The following CLCF1 variants were observed in gnomAD, a reference collection of about 807,000 sequenced individuals.
CLCF1 encodes cardiotrophin-like cytokine factor 1.
A neutral mutation model predicts 21.2 loss-of-function variants in CLCF1; 10 were observed. The observed-to-expected ratio is 0.47, with a 90% confidence interval of 0.29 to 0.80. The LOEUF is 0.80. Among genes scored for constraint, CLCF1 ranks in the 30% least tolerant of loss-of-function variants. The pLI is 0.09. For synonymous variants in CLCF1, 115 were observed against 120.5 expected, an observed-to-expected ratio of 0.95 and a Z score of 0.30; for missense variants, 240 against 293.4, an observed-to-expected ratio of 0.82 and a Z score of 1.33.
At chr11:67,371,044 G>A in intron 1 of CLCF1, 1 of 985,406 alleles carries the variant, frequency 1.0e-6, no homozygotes, top group Non-Finnish European at 1.2e-6. Flanking sequence ...GATGGAGTGG[G>A]TTAGGCGGGC....
At chr11:67,369,676 G>T in intron 1 of CLCF1, 11 of 985,498 alleles carry the variant, frequency 1.1e-5, no homozygotes, top group Non-Finnish European at 1.3e-5. Context: ...TTCACTCAAA[G>T]TTAGTGGCGA....
At chr11:67,368,912 CTTT>C (rs10666079) in intron 1 of CLCF1, 2,342 of 680,994 alleles carry the variant, frequency 3.4e-3, no homozygotes, top group Middle Eastern at 4.0e-3. Flanking sequence ...TTTTTTTTTC[CTTT>C]TTTTTTTTTT....
At chr11:67,370,411 C>A in intron 1 of CLCF1, 2 of 984,726 alleles carry the variant, frequency 2.0e-6, no homozygotes, top group Non-Finnish European at 2.4e-6. Flanking sequence ...GGCCCCCAGC[C>A]CGGCCCCCGC....
chr11:67,369,975 A>G (rs1366962132), intron 1 of CLCF1: 2 of 985,234 alleles, frequency 2.0e-6, no homozygotes, highest in Non-Finnish European at 2.4e-6. Flanking sequence ...GTTTCCAGGA[A>G]TATTTCAGTT....
intron 1 of CLCF1, chr11:67,368,765 G>T (rs1862168458): frequency 1.0e-6 from 1 of 985,198 alleles, no homozygotes; most frequent in South Asian, 4.7e-5. Flanking sequence ...GCAGGCAGAG[G>T]GTGAGTTGGA....
Position 67,370,019 on chromosome 11 carries a change from G to C in CLCF1, c.17-2393C>G, listed in dbSNP as rs951695311. ...ACTGTGTCGTTGCAGGCTGCGGGTG[G>C]GGGGCAGGGGAGAACAGAAGGATCC... is the stretch of plus-strand genomic sequence containing the variant. On this transcript the variant is annotated intron_variant, in intron 1 of 2. Coordinates refer to ENST00000312438, the MANE Select transcript of CLCF1 (RefSeq NM_013246.3). 8 of 985,296 alleles carry C rather than the reference G, an allele frequency of 8.1e-6. No homozygotes were observed. In the African/African-American group the frequency reaches 1.4e-4, roughly 17 times the overall value. The allele number at this position is 985,296 out of a possible 1,614,324, so 61.0% of individuals were successfully genotyped here.
At chr11:67,373,423 G>T in intron 1 of CLCF1, 101 bp downstream of exon 1, 2 of 614,090 alleles carry the variant, frequency 3.3e-6, no homozygotes, top group Non-Finnish European at 2.6e-6. Context: ...TCCCTGGCCC[G>T]GCCCCGGCGC....
At chr11:67,370,101 G>A (rs1862196243) in intron 1 of CLCF1, 1 of 985,362 alleles carries the variant, frequency 1.0e-6, no homozygotes, top group Non-Finnish European at 1.2e-6. Context: ...AGGGAGAAGA[G>A]GTTAGGAGAA....
rs1352030760 is a variant in CLCF1, at chr11:67,364,912, A to C, written c.*224T>G. On this transcript the variant is annotated 3_prime_UTR_variant, in exon 3 of 3. Transcript: ENST00000312438. ...CTCCCTCGAGCATGACTTCCTGTAG[A>C]AACAGGACAGGACAGGGCCTACTGT... The C allele has an allele frequency of 6.1e-6, 4 of 655,888 alleles. No individual in the cohort carries two copies. The highest frequency in any genetic ancestry group is 1.0e-5 in the Non-Finnish European group (4 of 395,990). 40.6% of individuals were successfully genotyped at this position (655,888 alleles called of 1,614,324 possible).
chr11:67,373,626 A>T, upstream of CLCF1: 1 of 1,277,338 alleles, frequency 7.8e-7, no homozygotes, highest in Non-Finnish European at 9.9e-7. Flanking sequence ...GCGAAGCTTT[A>T]ATAATCCCAT....
chr11:67,367,853 T>A, intron 1 of CLCF1: 1 of 985,432 alleles, frequency 1.0e-6, no homozygotes, highest in Non-Finnish European at 1.2e-6. Context: ...CATGAGTGTC[T>A]ATCAGTAGAT....
chr11:67,365,715 A>G lies in CLCF1; in HGVS notation c.184-85T>C, dbSNP rs1298175914. ...GGAGATACCTGCTCCCAAAGTTTCT[A>G]TTTTTTGTGTCCCCTGACACTGGCC... On this transcript the variant is annotated intron_variant, in intron 2 of 2. Coordinates refer to ENST00000312438, the MANE Select transcript of CLCF1 (RefSeq NM_013246.3). The surrounding 1 kb of genome is among the most constrained non-coding windows in gnomAD (Gnocchi z 5.0). The G allele has an allele frequency of 7.9e-6, 12 of 1,510,622 alleles. No individual in the cohort carries two copies. Among genetic ancestry groups the G allele is most frequent in the South Asian group, 4.1e-5 (3 of 73,922 alleles). The allele number at this position is 1,510,622 out of a possible 1,614,324, so 93.6% of individuals were successfully genotyped here. A position where few individuals can be genotyped will look rare whatever the true frequency, so the allele number is the denominator to read the frequency against.
chr11:67,366,614 T>C (rs970468668), intron 2 of CLCF1, among the ~76,000 whole-genome samples: 1 of 151,634 alleles, frequency 6.6e-6, no homozygotes, highest in African/African-American at 2.4e-5. Context: ...GGGAGATGTA[T>C]AACTGGGAAA....
At chr11:67,374,115 C>T, upstream of CLCF1, 1 of 985,874 alleles carries the variant, frequency 1.0e-6, no homozygotes, top group Non-Finnish European at 1.2e-6. Flanking sequence ...CCCTCCTCCT[C>T]CCCCTTGAGT....
chr11:67,366,655 T>A (rs766415463), intron 2 of CLCF1, among the ~76,000 whole-genome samples: 2 of 151,888 alleles, frequency 1.3e-5, no homozygotes, highest in Non-Finnish European at 2.9e-5. Context: ...AGGCCTGGGA[T>A]AGGCAAGGGC....
rs752884798 is a variant in CLCF1, at chr11:67,365,135, G to T, written c.*1C>A. The T allele has an allele frequency of 8.1e-6, 13 of 1,613,660 alleles. No homozygotes were observed. The South Asian group carries it at 1.3e-4, about 16-fold the overall frequency. ...GGGAGCGAAGAGGAGAAGGTCAGAAGTCAGAAGCCATGAGCCCCCAGGTGC... is the reference window on the plus strand; with the variant it reads ...GGGAGCGAAGAGGAGAAGGTCAGAATTCAGAAGCCATGAGCCCCCAGGTGC... On this transcript the variant is annotated 3_prime_UTR_variant, in exon 3 of 3. Coordinates refer to ENST00000312438, the MANE Select transcript of CLCF1 (RefSeq NM_013246.3). This position sits in a 1 kb window ranked among gnomAD's most constrained non-coding sequence, Gnocchi z 5.0.
intron 1 of CLCF1, among the ~76,000 whole-genome samples, chr11:67,371,639 G>T (rs965968392): frequency 1.3e-5 from 2 of 152,180 alleles, no homozygotes; most frequent in Admixed American, 6.5e-5. Context: ...CGGGGAGCCA[G>T]GGGGGAGCCC....
In CLCF1 at chr11:67,365,858, C is replaced by T. The variant is rs573363532; in HGVS notation, c.184-228G>A. 2.0e-5 allele frequency among the ~76,000 whole-genome samples: 3 copies of T among 151,972 alleles called. No individual in the cohort carries two copies. Among genetic ancestry groups the T allele is most frequent in the South Asian group, 2.1e-4 (1 of 4,810 alleles). On this transcript the variant is annotated intron_variant, in intron 2 of 2. Transcript: ENST00000312438. This position sits in a 1 kb window ranked among gnomAD's most constrained non-coding sequence, Gnocchi z 5.0. ...GGTGGTGAGCTCTCCAATGGAGAGG[C>T]GTAGAAAAAGGAGGAGGAGGAGACG... is the stretch of plus-strand genomic sequence containing the variant.
upstream of CLCF1, chr11:67,373,838 AC>A: frequency 1.2e-6 from 1 of 809,928 alleles, no homozygotes. Flanking sequence ...CTCCCACAGC[AC>A]CGAGGGGGGG....
Sources: gnomAD v4.1 joint callset for allele counts (sites outside exome capture counted in the v4.1 genomes callset) on GRCh38, gnomAD v4.1.1 for gene constraint, Gnocchi (gnomAD v3.1) non-coding constraint, MANE v1.5 for transcripts, NCBI Gene and HGNC (gene_info 2026-07-23, HGNC 2026-07-21) for gene names.